Variants in SH2D4B observed in about 807,000 individuals in gnomAD.
SH2D4B encodes SH2 domain-containing protein 4B.
A neutral mutation model predicts 61.5 loss-of-function variants in SH2D4B; 45 were observed. The ratio of observed to expected loss-of-function variants is 0.73; its 90% CI spans 0.58 to 0.94. The LOEUF (loss-of-function observed/expected upper bound fraction) is 0.94. SH2D4B is among the 40% of genes least tolerant of loss of function. The pLI, the probability that SH2D4B is intolerant of heterozygous loss-of-function variation, is 0.00. For synonymous variants in SH2D4B, 224 were observed against 220.4 expected (o/e 1.02, Z -0.14); for missense variants, 572 against 574.2 (o/e 1.00, Z 0.04).
intron 5 of SH2D4B, among the ~76,000 whole-genome samples, chr10:80,607,730 C>T (rs1010358210): frequency 6.6e-6 from 1 of 152,128 alleles, no homozygotes; most frequent in Non-Finnish European, 1.5e-5. Flanking sequence ...GGACAGCTGA[C>T]ATTGATTTTA....
intron 6 of SH2D4B, among the ~76,000 whole-genome samples, chr10:80,612,817 AAC>A (rs1322291917): frequency 6.6e-6 from 1 of 152,214 alleles, no homozygotes; most frequent in African/African-American, 2.4e-5. Flanking sequence ...CCTTTCCTCA[AAC>A]ACATGTGGAT....
chr10:80,617,651 C>T (rs919948446), intron 6 of SH2D4B, among the ~76,000 whole-genome samples: 37 of 152,254 alleles, frequency 2.4e-4, no homozygotes, highest in African/African-American at 8.4e-4. Context: ...ACTGATGTAA[C>T]CTAAAAGAGA....
chr10:80,603,537 G>T, intron 4 of SH2D4B, 42 bp from the exon 5 acceptor site: 1 of 1,480,162 alleles, frequency 6.8e-7, no homozygotes, highest in Non-Finnish European at 9.1e-7. Context: ...TGCACCGCCT[G>T]GGCTGCGGAT....
chr10:80,559,793 A>T (rs1203678399), intron 1 of SH2D4B, among the ~76,000 whole-genome samples: 2 of 148,548 alleles, frequency 1.3e-5, no homozygotes, highest in Non-Finnish European at 3.0e-5. Flanking sequence ...ATGCACCACC[A>T]CGTCTGGCTA....
At chr10:80,614,977 G>GGGCT (rs1842644587) in intron 6 of SH2D4B, among the ~76,000 whole-genome samples, 1 of 152,216 alleles carries the variant, frequency 6.6e-6, no homozygotes, top group African/African-American at 2.4e-5. Context: ...TGGGAGCCCT[G>GGGCT]TGGATGAGGG....
chr10:80,628,459 G>C (rs1451414413), intron 6 of SH2D4B, among the ~76,000 whole-genome samples: 1 of 152,132 alleles, frequency 6.6e-6, no homozygotes, highest in Non-Finnish European at 1.5e-5. Context: ...CAGCCATGTG[G>C]AACTGTAAGT....
intron 6 of SH2D4B, among the ~76,000 whole-genome samples, chr10:80,633,246 T>A (rs185816120): frequency 3.6e-4 from 55 of 152,026 alleles, no homozygotes; most frequent in African/African-American, 1.3e-3. Context: ...GTGGAAAGGG[T>A]AAGTCCATGG....
intron 4 of SH2D4B, among the ~76,000 whole-genome samples, chr10:80,590,196 G>A (rs1172995762): frequency 6.6e-6 from 1 of 152,120 alleles, no homozygotes; most frequent in Non-Finnish European, 1.5e-5. Context: ...GGCAGGCTTC[G>A]GATTGGCCAG....
At chr10:80,564,289 C>G (rs2132114126) in intron 1 of SH2D4B, among the ~76,000 whole-genome samples, 1 of 152,264 alleles carries the variant, frequency 6.6e-6, no homozygotes, top group Admixed American at 6.5e-5. Flanking sequence ...CCAAGTCTTC[C>G]TTTTCACAGG....
At chr10:80,606,889 G>A (rs952957551) in intron 5 of SH2D4B, among the ~76,000 whole-genome samples, 55 of 152,236 alleles carry the variant, frequency 3.6e-4, no homozygotes, top group African/African-American at 9.4e-4. Flanking sequence ...ATTAATAATG[G>A]CAAAAAGTCA....
intron 7 of SH2D4B, chr10:80,642,931 A>C (rs935737282): frequency 2.6e-5 from 4 of 152,652 alleles, no homozygotes; most frequent in Admixed American, 6.5e-5. Context: ...ACTGGGGCCT[A>C]TCAATCATTT....
intron 3 of SH2D4B, among the ~76,000 whole-genome samples, chr10:80,579,697 C>T (rs1302373846): frequency 2.0e-5 from 3 of 151,314 alleles, no homozygotes; most frequent in African/African-American, 7.3e-5. Flanking sequence ...AGGCCACTCC[C>T]TTTTTTTTTC....
chr10:80,542,648 G>A (rs993875330), intron 1 of SH2D4B, among the ~76,000 whole-genome samples: 3 of 151,692 alleles, frequency 2.0e-5, no homozygotes, highest in East Asian at 1.9e-4. Flanking sequence ...CGCCCTCCTC[G>A]GCCTCCCAAA....
chr10:80,574,644 T>G (rs1842102332), intron 3 of SH2D4B, among the ~76,000 whole-genome samples: 1 of 152,224 alleles, frequency 6.6e-6, no homozygotes, highest in African/African-American at 2.4e-5. Context: ...TATTTAATTT[T>G]CCCATGAGTT....
chr10:80,611,410 C>T (rs1349558566), intron 6 of SH2D4B, among the ~76,000 whole-genome samples: 1 of 152,134 alleles, frequency 6.6e-6, no homozygotes, highest in Non-Finnish European at 1.5e-5. Context: ...TTTCTTCTCC[C>T]AGGTCACCAC....
At position 80,609,467 on chromosome 10, in the gene SH2D4B, A is replaced by G. The variant is rs767223679; in HGVS notation, c.904A>G (p.Ile302Val). The G allele has an allele frequency of 6.2e-7, 1 of 1,614,152 alleles. No homozygotes were observed. The highest frequency in any genetic ancestry group is 2.2e-5 in the East Asian group (1 of 44,876). Residue 302 changes from isoleucine to valine, a missense_variant, in exon 6 of 8, where the codon ATC becomes GTC. By Grantham distance (29) the Ile-to-Val change is conservative. Transcript: ENST00000646907. ...GCTGCGCCCAGTCTCCAGAGATGTC[A>G]TCGTCCGCTGGTTTAAGGAGGAGCA... The part of the protein sequence containing the change: ...RPLRPVSRDV[I>V]VRWFKEEQLP...
rs1191808387 is a variant in SH2D4B, at chr10:80,539,913, C to T, written c.184+1398C>T. 2.0e-5 allele frequency among the ~76,000 whole-genome samples: 3 copies of T among 152,124 alleles called. No homozygotes were observed. The highest frequency in any genetic ancestry group is 2.9e-5 in the Non-Finnish European group (2 of 68,016). ...GGCTGCTGCCAAAGCTGGGGCCTTC[C>T]GGGCTGGGCTGCGCTGGCAGCTGCA... On this transcript the variant is annotated intron_variant, in intron 1 of 7. Transcript: ENST00000646907. The surrounding 1 kb of genome is among the most constrained non-coding windows in gnomAD (Gnocchi z 4.9).
In SH2D4B at chr10:80,609,569, G is replaced by A. The variant is rs1424521025; in HGVS notation, c.988+18G>A. On this transcript the variant is annotated intron_variant, in intron 6 of 7. Transcript: ENST00000646907. ...GTTCCATGGTAGCACCATTTTTCTG[G>A]GCCCTGTGCCAGATGATTTCCACAT... The A allele has an allele frequency of 6.2e-7, 1 of 1,613,644 alleles. No homozygotes were observed. The highest frequency in any genetic ancestry group is 8.5e-7 in the Non-Finnish European group (1 of 1,179,576).
intron 3 of SH2D4B, among the ~76,000 whole-genome samples, chr10:80,581,787 T>A (rs764987776): frequency 6.6e-6 from 1 of 152,240 alleles, no homozygotes; most frequent in East Asian, 1.9e-4. Context: ...AGTGGCAGCA[T>A]GCAGTTGATG....
Sources: gnomAD v4.1 joint callset for allele counts (sites outside exome capture counted in the v4.1 genomes callset) on GRCh38, gnomAD v4.1.1 for gene constraint, Gnocchi (gnomAD v3.1) non-coding constraint, MANE v1.5 for transcripts, NCBI Gene and HGNC (gene_info 2026-07-23, HGNC 2026-07-21) for gene names.